The following BLK variants were observed in gnomAD, a reference collection of about 807,000 sequenced individuals.
The protein encoded by BLK is tyrosine-protein kinase Blk.
In BLK, 64 loss-of-function variants were observed where a neutral mutation model predicts 61.8. The ratio of observed to expected loss-of-function variants is 1.03; its 90% CI spans 0.85 to 1.27. The LOEUF (loss-of-function observed/expected upper bound fraction) is 1.27. Ranked by LOEUF, BLK falls within the 50% of genes most tolerant of loss-of-function variation. The probability of loss-of-function intolerance (pLI) is 0.00; values close to 1 mark genes in which losing one functional copy is unlikely to be tolerated. For missense variants in BLK, 853 were observed against 660.5 expected (o/e 1.29, Z -3.19); for synonymous variants, 351 against 272.0 (o/e 1.29, Z -2.86).
In BLK at chr8:11,543,315, C is replaced by G. The variant is rs768267263; in HGVS notation, c.91C>G (p.Gln31Glu). The change falls in exon 2 of 13, where the codon CAA becomes GAA. Residue 31 changes from glutamine to glutamate, a missense_variant. By Grantham distance (29) the Gln-to-Glu change is conservative (BLOSUM62 2). Transcript: ENST00000259089. ...ATGGAGCCCCCTGAAGGTCAGCGCC[C>G]AAGACAAGGACGCCCCGCCACTGCC... ...GQWSPLKVSA[Q>E]DKDAPPLPPL... 3.7e-6 allele frequency: 6 copies of G among 1,613,362 alleles called. No individual in the cohort carries two copies. In the South Asian group the frequency reaches 5.5e-5, roughly 15 times the overall value.
intron 4 of BLK, among the ~76,000 whole-genome samples, chr8:11,548,588 TG>T (rs1800752740): frequency 6.6e-6 from 1 of 152,232 alleles, no homozygotes; most frequent in Non-Finnish European, 1.5e-5. Context: ...TCTCTCTCAG[TG>T]GCCAGGCTTG....
At chr8:11,560,656 GTC>G in intron 10 of BLK, 3 of 353,616 alleles carry the variant, frequency 8.5e-6, no homozygotes, top group Non-Finnish European at 1.7e-5. Flanking sequence ...GGAGAGACAA[GTC>G]TCTTCTTCTT....
chr8:11,562,540 C>G (rs905350585), intron 11 of BLK, among the ~76,000 whole-genome samples: 3 of 152,136 alleles, frequency 2.0e-5, no homozygotes, highest in East Asian at 3.9e-4. Context: ...TAGCGGCCCT[C>G]GGAGGTACAA....
intron 1 of BLK, among the ~76,000 whole-genome samples, chr8:11,498,201 G>T (rs1354455125): frequency 6.6e-6 from 1 of 152,240 alleles, no homozygotes; most frequent in Non-Finnish European, 1.5e-5. Context: ...GATGCAAAAT[G>T]TAAGGAGGCT....
intron 1 of BLK, among the ~76,000 whole-genome samples, chr8:11,496,722 G>A (rs1033883233): frequency 3.9e-5 from 6 of 152,186 alleles, no homozygotes; most frequent in Admixed American, 1.3e-4. Context: ...GAGAGAATGA[G>A]GACCCAGGCC....
chr8:11,518,865 G>C (rs569881631), intron 1 of BLK, among the ~76,000 whole-genome samples: 4 of 152,256 alleles, frequency 2.6e-5, no homozygotes, highest in South Asian at 2.1e-4. Context: ...TTTTAGAGCC[G>C]TCTCTCTGCT....
intron 1 of BLK, among the ~76,000 whole-genome samples, chr8:11,538,327 C>T (rs1800224301): frequency 6.6e-6 from 1 of 152,204 alleles, no homozygotes; most frequent in Non-Finnish European, 1.5e-5. Flanking sequence ...CCTGAAACTG[C>T]TGGGTGCAGC....
chr8:11,503,445 A>G (rs1798642475), intron 1 of BLK, among the ~76,000 whole-genome samples: 1 of 152,030 alleles, frequency 6.6e-6, no homozygotes, highest in Non-Finnish European at 1.5e-5. Context: ...CCAAAGGGAG[A>G]GGTGCAGCTT....
At chr8:11,498,849 G>C in intron 1 of BLK, among the ~76,000 whole-genome samples, 1 of 152,342 alleles carries the variant, frequency 6.6e-6, no homozygotes, top group East Asian at 1.9e-4. Flanking sequence ...GTGAGTTGAA[G>C]CTGAGGAGCA....
chr8:11,547,524 T>TA (rs1299053049), intron 3 of BLK, among the ~76,000 whole-genome samples: 1 of 152,140 alleles, frequency 6.6e-6, no homozygotes, highest in African/African-American at 2.4e-5. Flanking sequence ...CTGGCAGCCA[T>TA]AGACAGTGTG....
chr8:11,546,016 G>A (rs377480038), intron 2 of BLK, 36 bp from the exon 3 acceptor site: 12 of 1,610,836 alleles, frequency 7.4e-6, no homozygotes, highest in Non-Finnish European at 1.0e-5. Context: ...ACGCAGCAGG[G>A]ACTGAAATAA....
chr8:11,504,438 C>A (rs377686195), intron 1 of BLK, among the ~76,000 whole-genome samples: 1 of 146,392 alleles, frequency 6.8e-6, no homozygotes, highest in Non-Finnish European at 1.5e-5. Context: ...ATCCCATTCA[C>A]CTGCACAAAA....
rs7814414 is a variant in BLK at position 11,557,675 on chromosome 8, C to G, written c.953-287C>G. Among the ~76,000 whole-genome samples, 86,150 of 152,042 alleles carry G rather than the reference C, an allele frequency of 0.57. 25,587 individuals carry two copies. The highest frequency in any genetic ancestry group is 0.62 in the Non-Finnish European group (41,955 of 67,950). On this transcript the variant is annotated intron_variant, in intron 9 of 12. Coordinates refer to ENST00000259089, the MANE Select transcript of BLK (RefSeq NM_001715.3). ...TCGAGTCAGAACTGGGGTCCCACTCCCAGCTCCCGGCTGGGTGACTTCAGA... is the reference window on the plus strand; with the variant it reads ...TCGAGTCAGAACTGGGGTCCCACTCGCAGCTCCCGGCTGGGTGACTTCAGA...
At chr8:11,504,449 G>C (rs1038658338) in intron 1 of BLK, among the ~76,000 whole-genome samples, 2 of 150,646 alleles carry the variant, frequency 1.3e-5, no homozygotes, top group African/African-American at 5.0e-5. Context: ...CTGCACAAAA[G>C]CCACACCCCT....
chr8:11,564,099 G>T lies in BLK; in HGVS notation c.1509G>T (p.Leu503=), dbSNP rs769678348. ...CGGCCACCGAGCGGCAGTACGAGCTGCAGCCCTAGCCGGCCGCGCCCGCCT... is the reference window on the plus strand; with the variant it reads ...CGGCCACCGAGCGGCAGTACGAGCTTCAGCCCTAGCCGGCCGCGCCCGCCT... The part of the protein sequence containing the change: ...FYTATERQYE[L]QP The change falls in exon 13 of 13, where the codon CTG becomes CTT. Residue 503 remains leucine, a synonymous_variant. Coordinates refer to ENST00000259089, the MANE Select transcript of BLK (RefSeq NM_001715.3). 7 of 1,570,588 alleles carry T rather than the reference G, an allele frequency of 4.5e-6. No homozygotes were observed. The South Asian group carries it at 6.9e-5, about 15-fold the overall frequency.
intron 10 of BLK, 168 bp from the exon 11 acceptor site, chr8:11,561,134 A>C: frequency 1.0e-6 from 1 of 980,434 alleles, no homozygotes; most frequent in Non-Finnish European, 1.6e-6. Context: ...CTGGGCTTCT[A>C]GGAGAGGAGT....
intron 1 of BLK, among the ~76,000 whole-genome samples, chr8:11,525,579 T>C (rs1427359157): frequency 6.6e-6 from 1 of 152,244 alleles, no homozygotes; most frequent in Non-Finnish European, 1.5e-5. Context: ...TACCTATCTA[T>C]TCATTTGCTT....
At chr8:11,541,644 T>C (rs998451498) in intron 1 of BLK, among the ~76,000 whole-genome samples, 2 of 152,086 alleles carry the variant, frequency 1.3e-5, no homozygotes, top group African/African-American at 4.8e-5. Context: ...ATTACAGGCC[T>C]GCACCACCAC....
At position 11,543,094 on chromosome 8, in the gene BLK, G is replaced by A; in HGVS notation, c.-1-130G>A. Reference sequence around the variant, plus strand: ...GCTTCTACCCACGTTCTGACTTTGAGGTCTTTGCTGCACCCACTTCCACCC... The same window carrying A: ...GCTTCTACCCACGTTCTGACTTTGAAGTCTTTGCTGCACCCACTTCCACCC... On this transcript the variant is annotated intron_variant, in intron 1 of 12. Transcript: ENST00000259089. The A allele has an allele frequency of 4.2e-6, 6 of 1,433,006 alleles. No individual in the cohort carries two copies. In the South Asian group the frequency reaches 7.2e-5, roughly 17 times the overall value. 88.8% of individuals were successfully genotyped at this position (1,433,006 alleles called of 1,614,324 possible).
Sources: gnomAD v4.1 joint callset for allele counts (sites outside exome capture counted in the v4.1 genomes callset) on GRCh38, gnomAD v4.1.1 for gene constraint, MANE v1.5 for transcripts, NCBI Gene and HGNC (gene_info 2026-07-23, HGNC 2026-07-21) for gene names.